Variants in KYAT3 observed in about 807,000 individuals in gnomAD.
KYAT3 encodes the protein kynurenine--oxoglutarate transaminase 3.
Under a neutral mutation model 59.0 loss-of-function variants are expected in KYAT3, and 50 were observed. The ratio of observed to expected loss-of-function variants is 0.85; its 90% CI spans 0.68 to 1.07. The LOEUF (loss-of-function observed/expected upper bound fraction) is 1.07. KYAT3 is among the 50% of genes least tolerant of loss of function. The probability of loss-of-function intolerance (pLI) is 0.00; values close to 1 mark genes in which losing one functional copy is unlikely to be tolerated. For synonymous variants in KYAT3, 148 were observed against 177.0 expected (o/e 0.84, Z 1.30); for missense variants, 497 against 533.3 (o/e 0.93, Z 0.67).
At chr1:88,971,321 G>T (rs942199083) in intron 2 of KYAT3, among the ~76,000 whole-genome samples, 3 of 152,010 alleles carry the variant, frequency 2.0e-5, no homozygotes, top group African/African-American at 7.2e-5. Flanking sequence ...TTCTCTCATT[G>T]TTCTTCCTGC....
chr1:88,929,396 T>A, the KYAT3 span, among the ~76,000 whole-genome samples: 3 of 152,190 alleles, frequency 2.0e-5, no homozygotes, highest in African/African-American at 7.2e-5. Context: ...GTCCTGGACC[T>A]AAAGGGTGCC....
chr1:88,990,021 T>C (rs1030746490), intron 1 of KYAT3, among the ~76,000 whole-genome samples: 1 of 152,102 alleles, frequency 6.6e-6, no homozygotes, highest in Non-Finnish European at 1.5e-5. Context: ...TTCTTTAAAT[T>C]TTTCCCACAC....
chr1:88,953,108 C>T lies in KYAT3; in HGVS notation c.909G>A (p.Gln303=), dbSNP rs185182907. 51 of 1,613,620 alleles carry T rather than the reference C, an allele frequency of 3.2e-5. No homozygotes were observed. In the South Asian group the frequency reaches 3.2e-4, roughly 10 times the overall value. ...TATAAATCGTGTTTTGTTGAACTGT[C>T]TGTAAATGTTTTATCAAATGATTTG... is the stretch of plus-strand genomic sequence containing the variant. ...IGPNHLIKHL[Q]TVQQNTIYTC... Residue 303 remains glutamine, a synonymous_variant, in exon 10 of 14, where the codon CAG becomes CAA. Transcript: ENST00000260508.
intron 2 of KYAT3, among the ~76,000 whole-genome samples, chr1:88,971,965 G>T (rs1378491478): frequency 6.6e-6 from 1 of 152,174 alleles, no homozygotes; most frequent in Non-Finnish European, 1.5e-5. Flanking sequence ...AGATAAATAA[G>T]AGTTCAGTTT....
At chr1:88,992,950 G>T (rs969923528), upstream of KYAT3, 1 of 152,916 alleles carries the variant, frequency 6.5e-6, no homozygotes, top group Non-Finnish European at 1.5e-5. Context: ...GAGGGAAGGG[G>T]TGGGGGCCAC....
intron 2 of KYAT3, chr1:88,983,469 T>G (rs1197357252): frequency 6.2e-7 from 1 of 1,614,034 alleles, no homozygotes; most frequent in African/African-American, 1.3e-5. Flanking sequence ...GGAGGTCCCC[T>G]GGTTCCTCCA....
the KYAT3 span, among the ~76,000 whole-genome samples, chr1:88,925,131 G>A: frequency 6.6e-6 from 1 of 152,130 alleles, no homozygotes; most frequent in Non-Finnish European, 1.5e-5. Context: ...GAAAATACTG[G>A]GCACCTGTCG....
chr1:88,988,387 A>C, intron 1 of KYAT3, 36 bp from the exon 2 acceptor site: 1 of 1,244,392 alleles, frequency 8.0e-7, no homozygotes, highest in Non-Finnish European at 1.2e-6. Context: ...AGAGGAATAA[A>C]TATATGATGG....
chr1:88,942,832 G>A (rs989163150), intron 13 of KYAT3, among the ~76,000 whole-genome samples, 173 bp downstream of exon 13: 5 of 151,974 alleles, frequency 3.3e-5, no homozygotes, highest in African/African-American at 9.7e-5. Context: ...AAAGTGCTGC[G>A]ATTACAGGCA....
chr1:88,956,584 G>A (rs1017314934), intron 8 of KYAT3, among the ~76,000 whole-genome samples: 8 of 152,180 alleles, frequency 5.3e-5, no homozygotes, highest in Admixed American at 4.6e-4. Flanking sequence ...TGTGATAAAT[G>A]CTGTAGTAGG....
At chr1:88,975,237 G>A (rs1676731112) in intron 2 of KYAT3, among the ~76,000 whole-genome samples, 1 of 152,202 alleles carries the variant, frequency 6.6e-6, no homozygotes, top group Admixed American at 6.5e-5. Context: ...CTTCATTCTT[G>A]AAGCGAGCGA....
At chr1:88,955,114 C>T (rs2101035631) in intron 9 of KYAT3, 35 bp downstream of exon 9, 1 of 1,349,498 alleles carries the variant, frequency 7.4e-7, no homozygotes, top group Non-Finnish European at 1.1e-6. Flanking sequence ...ATATACAGGC[C>T]TATTTTTAAG....
At position 88,936,109 on chromosome 1, in the gene KYAT3, C is replaced by A; in HGVS notation, c.*74G>T. ...GTTGTACTGAAATACCTTTTAACATCCAGCAGGTGGCAGCACTAAGTAACA... is the reference window on the plus strand; with the variant it reads ...GTTGTACTGAAATACCTTTTAACATACAGCAGGTGGCAGCACTAAGTAACA... On this transcript the variant is annotated 3_prime_UTR_variant, in exon 14 of 14. Transcript: ENST00000260508. The A allele has an allele frequency of 1.1e-6, 1 of 943,816 alleles. No individual in the cohort carries two copies. Among genetic ancestry groups the A allele is most frequent in the Non-Finnish European group, 1.7e-6 (1 of 603,944 alleles). The allele number at this position is 943,816 out of a possible 1,614,324, so 58.5% of individuals were successfully genotyped here.
In KYAT3 at chr1:88,954,450, G is replaced by A. The variant is rs1020356450; in HGVS notation, c.864+699C>T. On this transcript the variant is annotated intron_variant, in intron 9 of 13. Coordinates refer to ENST00000260508, the MANE Select transcript of KYAT3 (RefSeq NM_001008661.3). ...CACCTTATAGTGTGGTTATGAGAAT[G>A]AAAGAAATTAGTATATGTAAAACAT... 2.6e-5 allele frequency among the ~76,000 whole-genome samples: 4 copies of A among 152,224 alleles called. No individual in the cohort carries two copies. The East Asian group carries it at 7.7e-4, about 29-fold the overall frequency.
chr1:88,964,298 T>C (rs528153964), intron 5 of KYAT3, among the ~76,000 whole-genome samples: 66 of 152,324 alleles, frequency 4.3e-4, no homozygotes, highest in Non-Finnish European at 6.8e-4. Context: ...GTAGACCAAG[T>C]TAAGAGTAAA....
chr1:88,933,869 C>A (rs546490953), downstream of KYAT3, among the ~76,000 whole-genome samples: 1 of 152,260 alleles, frequency 6.6e-6, no homozygotes, highest in Admixed American at 6.5e-5. Flanking sequence ...GATGGCTGGG[C>A]CTGGTAATTT....
chr1:88,986,947 T>C (rs1370604444), intron 2 of KYAT3, among the ~76,000 whole-genome samples: 3 of 152,352 alleles, frequency 2.0e-5, no homozygotes, highest in Non-Finnish European at 2.9e-5. Context: ...TTTTCCAATG[T>C]AGTTAAAATG....
intron 2 of KYAT3, chr1:88,983,538 G>A (rs1186584029): frequency 3.7e-6 from 6 of 1,614,086 alleles, no homozygotes; most frequent in Non-Finnish European, 5.1e-6. Flanking sequence ...GGAGGTGGGG[G>A]CGGTCCATGT....
intron 5 of KYAT3, 123 bp downstream of exon 5, chr1:88,964,706 C>A: frequency 1.3e-6 from 1 of 771,260 alleles, no homozygotes. Context: ...ACTGTACATG[C>A]ATTATACTTA....
Sources: allele counts gnomAD v4.1 joint callset (sites outside exome capture counted in the v4.1 genomes callset), GRCh38; gene constraint gnomAD v4.1.1; transcripts MANE v1.5; gene names NCBI Gene and HGNC (gene_info 2026-07-23, HGNC 2026-07-21).